The following NKIRAS1 variants were observed in gnomAD, a reference collection of about 807,000 sequenced individuals.
NKIRAS1 encodes NF-kappa-B inhibitor-interacting Ras-like protein 1.
NKIRAS1 carries 16 observed loss-of-function variants against 19.8 expected under a neutral mutation model. The ratio of observed to expected loss-of-function variants is 0.81; its 90% CI spans 0.55 to 1.23. The LOEUF is 1.23. NKIRAS1 is among the 50% of genes most tolerant of loss of function. The pLI is 0.00. For synonymous variants in NKIRAS1, 88 were observed against 79.0 expected, an observed-to-expected ratio of 1.11 and a Z score of -0.61; for missense variants, 184 against 220.0, an observed-to-expected ratio of 0.84 and a Z score of 1.04.
chr3:23,920,008 A>G (rs1330721020), upstream of NKIRAS1: 46 of 986,724 alleles, frequency 4.7e-5, no homozygotes, highest in Non-Finnish European at 5.5e-5. Context: ...TAAAAGGTGA[A>G]AGCTCCTGGT....
chr3:23,912,057 C>A (rs1180031711), intron 1 of NKIRAS1, among the ~76,000 whole-genome samples: 3 of 149,690 alleles, frequency 2.0e-5, no homozygotes, highest in African/African-American at 7.4e-5. Context: ...AGCTACTGCG[C>A]CTGGCTGTCA....
intron 4 of NKIRAS1, among the ~76,000 whole-genome samples, chr3:23,899,471 G>GT (rs914235842): frequency 4.0e-5 from 6 of 151,618 alleles, no homozygotes; most frequent in South Asian, 2.1e-4. Context: ...TTTGTTTTTT[G>GT]TTTTTTTTCT....
intron 1 of NKIRAS1, chr3:23,916,125 A>G (rs981016961): frequency 1.3e-5 from 2 of 152,222 alleles, no homozygotes; most frequent in African/African-American, 4.8e-5. Context: ...AAAAGAAAGA[A>G]AGAAAAATAT....
In NKIRAS1 at chr3:23,926,258, G is replaced by A. The variant is rs570185368; in HGVS notation, c.-139-14808C>T. ...GTAGAGACAGGGTTTCGCCGTGTTG[G>A]CCAGGCTGGTCTCAAACGCCTGACC... On this transcript the variant is annotated intron_variant, in intron 1 of 4. Coordinates refer to the NKIRAS1 transcript ENST00000421515. This position sits in a 1 kb window ranked among gnomAD's most constrained non-coding sequence, Gnocchi z 4.3. Among the ~76,000 whole-genome samples, 1 of 152,122 alleles carries A rather than the reference G, an allele frequency of 6.6e-6. No individual in the cohort carries two copies. Among genetic ancestry groups the A allele is most frequent in the African/African-American group, 2.4e-5 (1 of 41,430 alleles).
Position 23,926,700 on chromosome 3 carries a change from A to T in NKIRAS1, c.-139-15250T>A, listed in dbSNP as rs1053183519. 6.6e-6 allele frequency among the ~76,000 whole-genome samples: 1 copy of T among 152,190 alleles called. No homozygotes were observed. The highest frequency in any genetic ancestry group is 2.1e-4 in the South Asian group (1 of 4,832). Reference sequence around the variant, plus strand: ...TTTAGAAGTTTTTGATAAGAGTTTTATCCCAATGGTACAAACTGTAGAAGA... The same window carrying T: ...TTTAGAAGTTTTTGATAAGAGTTTTTTCCCAATGGTACAAACTGTAGAAGA... On this transcript the variant is annotated intron_variant, in intron 1 of 4. Transcript: ENST00000421515. This position sits in a 1 kb window ranked among gnomAD's most constrained non-coding sequence, Gnocchi z 4.3.
chr3:23,907,137 G>A (rs970533150), intron 3 of NKIRAS1, among the ~76,000 whole-genome samples: 5 of 152,096 alleles, frequency 3.3e-5, no homozygotes, highest in Non-Finnish European at 7.4e-5. Flanking sequence ...CAAGTGATCC[G>A]CCTGCCTCGG....
intron 1 of NKIRAS1, chr3:23,945,170 G>A (rs1705606160): frequency 7.0e-6 from 1 of 142,122 alleles, no homozygotes; most frequent in Non-Finnish European, 1.5e-5. Flanking sequence ...CCGGGGAGCC[G>A]GGAAGCGGGC....
upstream of NKIRAS1, chr3:23,921,808 C>A (rs1575124896): frequency 8.9e-6 from 5 of 563,924 alleles, no homozygotes; most frequent in Non-Finnish European, 1.6e-5. Flanking sequence ...CTCCTGACCT[C>A]AAGTGATCCA....
intron 3 of NKIRAS1, among the ~76,000 whole-genome samples, chr3:23,908,270 G>A (rs565280284): frequency 6.6e-6 from 1 of 152,242 alleles, no homozygotes; most frequent in East Asian, 1.9e-4. Flanking sequence ...ATTTAGCAGA[G>A]TAAAAAAGTT....
chr3:23,932,368 T>C (rs1295019398), intron 1 of NKIRAS1, among the ~76,000 whole-genome samples: 1 of 152,178 alleles, frequency 6.6e-6, no homozygotes, highest in Non-Finnish European at 1.5e-5. Context: ...TGTACCTCTC[T>C]AACAAATTAA....
chr3:23,899,809 T>C lies in NKIRAS1; in HGVS notation c.336+999A>G, dbSNP rs191098763. Among the ~76,000 whole-genome samples the C allele has an allele frequency of 4.5e-4, 68 of 152,332 alleles. 1 individual carries two copies. The highest frequency in any genetic ancestry group is 1.5e-3 in the African/African-American group (64 of 41,572). ...GTATATGGGTAGAATCCAATAATTATTAGGTTTCTTTTTTTGGTAAGCCTG... is the reference window on the plus strand; with the variant it reads ...GTATATGGGTAGAATCCAATAATTACTAGGTTTCTTTTTTTGGTAAGCCTG... On this transcript the variant is annotated intron_variant, in intron 4 of 4. Transcript: ENST00000425478.
At position 23,945,527 on chromosome 3, in the gene NKIRAS1, G is replaced by GGCA. The variant is rs1173765850; in HGVS notation, c.-140+795_-140+796insTGC. ...GCGGCGCTGAGGCGGCGGCGGCGGC[G>GGCA]CTGCCCCCTCTGCGGGAAGCGGGCG... On this transcript the variant is annotated intron_variant, in intron 1 of 4. Transcript: ENST00000421515. 7.2e-6 allele frequency: 8 copies of GGCA among 1,109,754 alleles called. No homozygotes were observed. The African/African-American group carries it at 1.3e-4, about 19-fold the overall frequency. 68.7% of individuals were successfully genotyped at this position (1,109,754 alleles called of 1,614,324 possible). A position where few individuals can be genotyped will look rare whatever the true frequency, so the allele number is the denominator to read the frequency against.
chr3:23,916,835 A>G lies in NKIRAS1; in HGVS notation c.-191T>C, dbSNP rs1704579252. The stretch of plus-strand genomic sequence containing the variant: ...AGCGGCTCCACCGCGGTACGCGGCC[A>G]CCGGCTTTGGAGCCTGGACCCCAAC... On this transcript the variant is annotated 5_prime_UTR_variant, in exon 1 of 5. Transcript: ENST00000425478. 6.5e-6 allele frequency: 1 copy of G among 152,786 alleles called. No homozygotes were observed. The highest frequency in any genetic ancestry group is 1.5e-5 in the Non-Finnish European group (1 of 68,118). 9.5% of individuals were successfully genotyped at this position (152,786 alleles called of 1,614,324 possible).
At position 23,893,211 on chromosome 3, in the gene NKIRAS1, T is replaced by C. The variant is rs1355930617; in HGVS notation, c.463A>G (p.Lys155Glu). The part of the protein sequence containing the change: ...RLWEVTVTDR[K>E]TLIEPFTLLA... ...AAAGTGAATGGTTCAATCAGAGTTT[T>C]CCGATCTGTAACAGTCACCTCCCAC... Residue 155 changes from lysine to glutamate, a missense_variant, in exon 5 of 5, where the codon AAA becomes GAA. By Grantham distance (56) the Lys-to-Glu change is moderately conservative. Coordinates refer to ENST00000425478, the MANE Select transcript of NKIRAS1 (RefSeq NM_020345.4). 1 of 1,614,112 alleles carries C rather than the reference T, an allele frequency of 6.2e-7. No homozygotes were observed. Among genetic ancestry groups the C allele is most frequent in the Non-Finnish European group, 8.5e-7 (1 of 1,179,996 alleles).
At chr3:23,945,925 C>T (rs1421602580) in intron 1 of NKIRAS1, among the ~76,000 whole-genome samples, 2 of 150,348 alleles carry the variant, frequency 1.3e-5, no homozygotes, top group East Asian at 2.0e-4. Context: ...CGTGACGCGG[C>T]ATTACATAAT....
At chr3:23,898,442 ATT>A (rs749239072) in intron 4 of NKIRAS1, among the ~76,000 whole-genome samples, 6 of 139,666 alleles carry the variant, frequency 4.3e-5, no homozygotes, top group Middle Eastern at 3.8e-3. Flanking sequence ...ATATTGTATG[ATT>A]TTTTTTTTTT....
chr3:23,909,482 G>A (rs1334325398), intron 3 of NKIRAS1, among the ~76,000 whole-genome samples: 1 of 152,168 alleles, frequency 6.6e-6, no homozygotes, highest in Non-Finnish European at 1.5e-5. Flanking sequence ...AGCCGAGATT[G>A]CACCACTGCA....
At chr3:23,931,301 G>T (rs1442778714) in intron 1 of NKIRAS1, among the ~76,000 whole-genome samples, 1 of 152,076 alleles carries the variant, frequency 6.6e-6, no homozygotes, top group Non-Finnish European at 1.5e-5. Context: ...TGCTTCTGCA[G>T]CCATCCTGGC....
At chr3:23,937,235 CG>C (rs1705410955) in intron 1 of NKIRAS1, among the ~76,000 whole-genome samples, 1 of 151,828 alleles carries the variant, frequency 6.6e-6, no homozygotes, top group Admixed American at 6.6e-5. Flanking sequence ...AAAAATTTGC[CG>C]GGCGTGTGCC....
Sources: gnomAD v4.1 joint callset for allele counts (sites outside exome capture counted in the v4.1 genomes callset) on GRCh38, gnomAD v4.1.1 for gene constraint, Gnocchi (gnomAD v3.1) non-coding constraint, MANE v1.5 for transcripts, NCBI Gene and HGNC (gene_info 2026-07-23, HGNC 2026-07-21) for gene names.